The following OPA1 variants were observed in gnomAD, a reference collection of about 807,000 sequenced individuals.
OPA1 encodes the protein OPA1 mitochondrial dynamin like GTPase, also known as dynamin-like GTPase OPA1, mitochondrial.
OPA1 carries 59 observed loss-of-function variants against 152.9 expected under a neutral mutation model. The observed-to-expected ratio is 0.39, with a 90% CI of 0.31 to 0.48. The LOEUF is 0.48. Ranked by LOEUF, OPA1 falls within the 20% of genes least tolerant of loss-of-function variation. The probability of loss-of-function intolerance (pLI) is 0.96; values close to 1 mark genes in which losing one functional copy is unlikely to be tolerated. For synonymous variants in OPA1, 400 were observed against 389.9 expected (o/e 1.03, Z -0.31); for missense variants, 1,008 against 1,216.8 (o/e 0.83, Z 2.55).
chr3:193,688,442 GTCTTT>G (rs1560079310), intron 29 of OPA1, among the ~76,000 whole-genome samples: 1 of 40,402 alleles, frequency 2.5e-5, no homozygotes, highest in Non-Finnish European at 5.4e-5. Context: ...ACTGAAATGG[GTCTTT>G]TCTTTTTTTT....
rs1490644960 is a variant in OPA1, at chr3:193,697,788, T to A, written c.*3188T>A. 1.3e-5 allele frequency: 2 copies of A among 152,218 alleles called. No individual in the cohort carries two copies. The highest frequency in any genetic ancestry group is 2.9e-5 in the Non-Finnish European group (2 of 68,038). 9.4% of individuals were successfully genotyped at this position (152,218 alleles called of 1,614,324 possible). ...TTTTGTTATTTTCCTTGGTAAAATA[T>A]ATAAAAAAGGTTTTCTAATTTCACT... On this transcript the variant is annotated 3_prime_UTR_variant, in exon 31 of 31. Transcript: ENST00000361510.
chr3:193,694,383 A>T (rs1202874366), intron 30 of OPA1, among the ~76,000 whole-genome samples: 1 of 152,198 alleles, frequency 6.6e-6, no homozygotes, highest in Non-Finnish European at 1.5e-5. Flanking sequence ...TCATACACAG[A>T]TTCTTCTTCA....
intron 1 of OPA1, among the ~76,000 whole-genome samples, chr3:193,607,834 CTA>C (rs1727534030): frequency 6.6e-6 from 1 of 152,324 alleles, no homozygotes; most frequent in Middle Eastern, 3.4e-3. Context: ...GGCATTGAAT[CTA>C]TAAATTACCC....
At chr3:193,610,941 T>G (rs1418262358) in intron 1 of OPA1, among the ~76,000 whole-genome samples, 1 of 152,194 alleles carries the variant, frequency 6.6e-6, no homozygotes, top group African/African-American at 2.4e-5. Context: ...TGTCACCCCT[T>G]TCCTTGGCTA....
intron 11 of OPA1, among the ~76,000 whole-genome samples, chr3:193,638,576 T>C (rs1337541150): frequency 1.3e-5 from 2 of 152,184 alleles, no homozygotes; most frequent in African/African-American, 2.4e-5. Flanking sequence ...AAATAAAATA[T>C]AAAAACTGTT....
chr3:193,648,685 A>AC, intron 20 of OPA1, 110 bp from the exon 21 acceptor site: 1 of 754,484 alleles, frequency 1.3e-6, no homozygotes, highest in East Asian at 2.6e-5. Context: ...GTATAATTAA[A>AC]CCCAAATTCA....
intron 21 of OPA1, 99 bp downstream of exon 21, chr3:193,648,970 C>A: frequency 1.1e-6 from 1 of 905,494 alleles, no homozygotes; most frequent in Non-Finnish European, 1.8e-6. Flanking sequence ...TTTATTGTTG[C>A]CTTGGCTCAT....
intron 11 of OPA1, among the ~76,000 whole-genome samples, chr3:193,642,344 ACT>A (rs1208416264): frequency 6.6e-6 from 1 of 152,004 alleles, no homozygotes; most frequent in Non-Finnish European, 1.5e-5. Flanking sequence ...CACATAGTTC[ACT>A]CTCTATAGAG....
intron 29 of OPA1, among the ~76,000 whole-genome samples, chr3:193,676,029 T>C (rs1261534215): frequency 6.6e-6 from 1 of 152,202 alleles, no homozygotes; most frequent in Admixed American, 6.5e-5. Flanking sequence ...CCCTTCCTAA[T>C]ATCGTGCAGT....
At chr3:193,648,671 T>C (rs1711636351) in intron 20 of OPA1, 124 bp from the exon 21 acceptor site, 1 of 687,440 alleles carries the variant, frequency 1.5e-6, no homozygotes. Context: ...TTTTTGCTAG[T>C]CATGTATAAT....
chr3:193,677,154 A>G (rs1196690508), intron 29 of OPA1, among the ~76,000 whole-genome samples: 1 of 152,152 alleles, frequency 6.6e-6, no homozygotes, highest in Admixed American at 6.5e-5. Context: ...AAGAATAAAG[A>G]CAAGAATGTT....
intron 5 of OPA1, 173 bp from the exon 6 acceptor site, chr3:193,618,696 T>C: frequency 1.7e-6 from 1 of 604,510 alleles, no homozygotes; most frequent in Non-Finnish European, 2.9e-6. Context: ...TTTTATTTTC[T>C]GCACAGGTTA....
chr3:193,615,015 G>A lies in OPA1; in HGVS notation c.325G>A (p.Val109Ile). The part of the protein sequence containing the change: ...KLRYLILGSA[V>I]GGGYTAKKTF... Reference sequence around the variant, plus strand: ...TCGCTATCTCATACTAGGATCGGCTGTTGGGGGTGGCTACACAGCCAAAAA... The same window carrying A: ...TCGCTATCTCATACTAGGATCGGCTATTGGGGGTGGCTACACAGCCAAAAA... The change falls in exon 2 of 31, where the codon GTT (valine) becomes ATT (isoleucine). Residue 109 changes from valine to isoleucine, a missense_variant. Around this residue, in one of 7 missense-constraint regions of OPA1, gnomAD observed 408 missense variants for 395.1 expected, o/e 1.03. Coordinates refer to ENST00000361510, the MANE Select transcript of OPA1 (RefSeq NM_130837.3). The A allele has an allele frequency of 1.2e-6, 2 of 1,614,044 alleles. No homozygotes were observed. The highest frequency in any genetic ancestry group is 2.2e-5 in the East Asian group (1 of 44,896).
intron 29 of OPA1, among the ~76,000 whole-genome samples, chr3:193,679,192 C>G (rs1719718073): frequency 6.6e-6 from 1 of 151,932 alleles, no homozygotes. Context: ...CCATGGCACA[C>G]GTATACCTGT....
intron 21 of OPA1, among the ~76,000 whole-genome samples, chr3:193,654,361 T>C (rs1257887940): frequency 6.6e-6 from 1 of 152,038 alleles, no homozygotes; most frequent in Non-Finnish European, 1.5e-5. Flanking sequence ...CCAGGCATAA[T>C]GGCGTCCACC....
chr3:193,651,572 C>G (rs1017295661), intron 21 of OPA1, among the ~76,000 whole-genome samples: 32 of 152,070 alleles, frequency 2.1e-4, no homozygotes, highest in Admixed American at 1.2e-3. Flanking sequence ...AAATGGAAAG[C>G]AATTTATGTG....
At chr3:193,679,475 T>C (rs1035441222) in intron 29 of OPA1, among the ~76,000 whole-genome samples, 1 of 152,174 alleles carries the variant, frequency 6.6e-6, no homozygotes, top group East Asian at 1.9e-4. Context: ...TGTAAAGTCA[T>C]ATGAGGCATT....
rs79989725 is a variant in OPA1 at position 193,620,838 on chromosome 3, T to C, written c.678+1902T>C. ...TGTTACTTGTGATGCTTGAGAATGA[T>C]GAGTCACTCAGCTAAACTGAGTGAT... On this transcript the variant is annotated intron_variant, in intron 6 of 30. Transcript: ENST00000361510. 2.6e-4 allele frequency among the ~76,000 whole-genome samples: 40 copies of C among 152,362 alleles called. 1 individual carries two copies. The East Asian group carries it at 7.7e-3, about 29-fold the overall frequency.
At chr3:193,616,514 A>G (rs1382129353) in intron 3 of OPA1, among the ~76,000 whole-genome samples, 5 of 152,128 alleles carry the variant, frequency 3.3e-5, no homozygotes, top group African/African-American at 1.2e-4. Flanking sequence ...AATGTTGCCC[A>G]GAGCATATTT....
Sources: gnomAD v4.1 joint callset for allele counts (sites outside exome capture counted in the v4.1 genomes callset) on GRCh38, gnomAD v4.1.1 for gene constraint, gnomAD v4.1.1 regional missense constraint, MANE v1.5 for transcripts, NCBI Gene and HGNC (gene_info 2026-07-23, HGNC 2026-07-21) for gene names.